Variants in PLCB4 observed in about 807,000 individuals in gnomAD.
PLCB4 encodes phospholipase C beta 4, also known as 1-phosphatidylinositol 4,5-bisphosphate phosphodiesterase beta-4.
Under a neutral mutation model 178.8 loss-of-function variants are expected in PLCB4, and 77 were observed. The ratio of observed to expected loss-of-function variants is 0.43; its 90% CI spans 0.36 to 0.52. The LOEUF (loss-of-function observed/expected upper bound fraction) is 0.52. Among genes scored for constraint, PLCB4 ranks in the 20% least tolerant of loss-of-function variants. The pLI is 0.00. For synonymous variants in PLCB4, 496 were observed against 490.8 expected, an observed-to-expected ratio of 1.01 and a Z score of -0.14; for missense variants, 1,024 against 1,453.4, an observed-to-expected ratio of 0.70 and a Z score of 4.80.
chr20:9,333,771 C>T lies in PLCB4; in HGVS notation c.85-3355C>T, dbSNP rs544784584. On this transcript the variant is annotated intron_variant, in intron 4 of 39. Coordinates refer to ENST00000378473, the MANE Select transcript of PLCB4 (RefSeq NM_001377142.1). ...AGAGGGAGTAAAGTGGGTGTGTATT[C>T]GAAATATTATAGAAGAAGACTTGCT... 9.9e-5 allele frequency among the ~76,000 whole-genome samples: 15 copies of T among 151,594 alleles called. 1 individual carries two copies. In the South Asian group the frequency reaches 2.1e-3, roughly 21 times the overall value.
chr20:9,313,936 G>A (rs573392845), intron 4 of PLCB4, among the ~76,000 whole-genome samples: 2 of 152,306 alleles, frequency 1.3e-5, no homozygotes, highest in South Asian at 4.1e-4. Context: ...GAGAGGAAGG[G>A]GCAGCAGGGC....
At chr20:9,386,280 G>A (rs926088949) in intron 14 of PLCB4, among the ~76,000 whole-genome samples, 3 of 152,082 alleles carry the variant, frequency 2.0e-5, no homozygotes, top group Admixed American at 6.5e-5. Context: ...GAGAGGGAGA[G>A]GGAGAGGGTA....
At chr20:9,416,848 G>GT (rs2040283699) in intron 25 of PLCB4, among the ~76,000 whole-genome samples, 1 of 151,924 alleles carries the variant, frequency 6.6e-6, no homozygotes, top group African/African-American at 2.4e-5. Context: ...ATTCCTTTTT[G>GT]GACTATCAAA....
chr20:9,202,242 A>C (rs2093556166), intron 2 of PLCB4, among the ~76,000 whole-genome samples: 1 of 152,160 alleles, frequency 6.6e-6, no homozygotes, highest in African/African-American at 2.4e-5. Context: ...TGACTGTCAA[A>C]GGGGCAGCCT....
chr20:9,273,960 C>G (rs2094429942), intron 3 of PLCB4, among the ~76,000 whole-genome samples: 1 of 151,972 alleles, frequency 6.6e-6, no homozygotes, highest in Admixed American at 6.6e-5. Flanking sequence ...TTTGCAGCAG[C>G]CCAGGAAAGG....
At chr20:9,311,540 T>C (rs1262098824) in intron 4 of PLCB4, among the ~76,000 whole-genome samples, 4 of 152,166 alleles carry the variant, frequency 2.6e-5, no homozygotes, top group African/African-American at 9.7e-5. Context: ...TGTTCCTGTT[T>C]CCTTTATTTT....
At chr20:9,394,305 A>G (rs1417145939) in intron 18 of PLCB4, among the ~76,000 whole-genome samples, 1 of 152,198 alleles carries the variant, frequency 6.6e-6, no homozygotes, top group Non-Finnish European at 1.5e-5. Context: ...TTATTTTATT[A>G]CAAAAGCAAT....
intron 25 of PLCB4, among the ~76,000 whole-genome samples, chr20:9,415,195 C>G (rs1197181725): frequency 6.6e-6 from 1 of 152,120 alleles, no homozygotes; most frequent in East Asian, 1.9e-4. Context: ...TTGTGAAGAA[C>G]TTCTACTCAT....
chr20:9,287,994 G>A (rs1013380635), intron 3 of PLCB4, among the ~76,000 whole-genome samples: 2 of 152,036 alleles, frequency 1.3e-5, no homozygotes, highest in African/African-American at 4.8e-5. Flanking sequence ...TCAAGGATGT[G>A]GTTCTATTGC....
intron 7 of PLCB4, among the ~76,000 whole-genome samples, chr20:9,358,877 C>T (rs979684334): frequency 4.0e-5 from 6 of 151,882 alleles, no homozygotes; most frequent in Non-Finnish European, 8.8e-5. Context: ...CCAACCTGGG[C>T]GACAGAGCAA....
intron 32 of PLCB4, among the ~76,000 whole-genome samples, chr20:9,448,964 C>T (rs190381020): frequency 1.6e-4 from 24 of 152,204 alleles, no homozygotes; most frequent in African/African-American, 5.3e-4. Context: ...GGGGTAACGA[C>T]CATTTGCACC....
chr20:9,380,194 A>G (rs757079112), intron 13 of PLCB4, 32 bp downstream of exon 13: 2 of 1,114,180 alleles, frequency 1.8e-6, no homozygotes, highest in Non-Finnish European at 2.6e-6. Flanking sequence ...CTTAAAAAAA[A>G]AAACAAGAAA....
intron 12 of PLCB4, among the ~76,000 whole-genome samples, chr20:9,377,308 A>G (rs981258024): frequency 6.6e-6 from 1 of 152,140 alleles, no homozygotes; most frequent in African/African-American, 2.4e-5. Flanking sequence ...TGTTTCCCCA[A>G]ATCCTGGCTG....
At chr20:9,156,843 CCCTCCCTCCCTT>C (rs765282277) in intron 2 of PLCB4, among the ~76,000 whole-genome samples, 38 of 121,194 alleles carry the variant, frequency 3.1e-4, no homozygotes, top group Non-Finnish European at 5.8e-4. Context: ...CTCCCTCCCT[CCCTCCCTCCCTT>C]CCTTCCTTCC....
chr20:9,091,236 A>G (rs1172281794), intron 1 of PLCB4, among the ~76,000 whole-genome samples: 3 of 152,038 alleles, frequency 2.0e-5, no homozygotes, highest in Non-Finnish European at 4.4e-5. Context: ...AAAACATGCC[A>G]TAGGTATGTA....
intron 2 of PLCB4, among the ~76,000 whole-genome samples, chr20:9,128,089 A>G (rs1022505923): frequency 6.6e-6 from 1 of 152,082 alleles, no homozygotes; most frequent in Non-Finnish European, 1.5e-5. Context: ...AGATGTTTGG[A>G]TCATGGGCAC....
chr20:9,374,374 T>C (rs954956537), intron 12 of PLCB4, among the ~76,000 whole-genome samples: 1 of 152,244 alleles, frequency 6.6e-6, no homozygotes, highest in Non-Finnish European at 1.5e-5. Context: ...TCCACGTTCT[T>C]ATGCCACAGC....
At chr20:9,115,572 TC>T (rs1389473081) in intron 2 of PLCB4, among the ~76,000 whole-genome samples, 1 of 99,016 alleles carries the variant, frequency 1.0e-5, no homozygotes, top group Non-Finnish European at 2.0e-5. Context: ...ATGCTATCCC[TC>T]CCCCCTCCCC....
chr20:9,176,173 A>T (rs2093151363), intron 2 of PLCB4, among the ~76,000 whole-genome samples: 1 of 152,046 alleles, frequency 6.6e-6, no homozygotes, highest in South Asian at 2.1e-4. Flanking sequence ...CCTCCATGCT[A>T]TTGTTTCCTC....
Sources: gnomAD v4.1 joint callset for allele counts (sites outside exome capture counted in the v4.1 genomes callset) on GRCh38, gnomAD v4.1.1 for gene constraint, MANE v1.5 for transcripts, NCBI Gene and HGNC (gene_info 2026-07-23, HGNC 2026-07-21) for gene names.